SLC4A10: variants seen among roughly 807,000 people sequenced by gnomAD.
SLC4A10 encodes solute carrier family 4 member 10.
A neutral mutation model predicts 137.7 loss-of-function variants in SLC4A10; 42 were observed. The observed-to-expected ratio is 0.30, with a 90% CI of 0.24 to 0.39. The LOEUF (loss-of-function observed/expected upper bound fraction) is 0.39, where lower values mean the gene tolerates loss of function less well. Ranked by LOEUF, SLC4A10 falls within the 10% of genes least tolerant of loss-of-function variation. The pLI is 1.00. For missense variants in SLC4A10, 925 were observed against 1,355.0 expected (o/e 0.68, Z 4.98); for synonymous variants, 474 against 464.1 (o/e 1.02, Z -0.27).
intron 1 of SLC4A10, among the ~76,000 whole-genome samples, chr2:161,722,637 C>T (rs2045805897): frequency 1.3e-5 from 2 of 152,246 alleles, no homozygotes; most frequent in South Asian, 4.1e-4. Flanking sequence ...GGGGGGTCTC[C>T]CCAAGTCAAG....
intron 4 of SLC4A10, among the ~76,000 whole-genome samples, chr2:161,853,413 A>C (rs940687870): frequency 2.0e-5 from 3 of 152,160 alleles, no homozygotes; most frequent in African/African-American, 7.2e-5. Flanking sequence ...TTGCCAATTA[A>C]ATACTCCAGT....
At chr2:161,770,788 T>C (rs935386916) in intron 1 of SLC4A10, among the ~76,000 whole-genome samples, 185 bp from the exon 2 acceptor site, 1 of 151,954 alleles carries the variant, frequency 6.6e-6, no homozygotes, top group Non-Finnish European at 1.5e-5. Context: ...TCTTCAAATA[T>C]GTGGTCAAAT....
intron 2 of SLC4A10, among the ~76,000 whole-genome samples, chr2:161,794,594 T>C (rs80243756): frequency 6.6e-6 from 1 of 152,088 alleles, no homozygotes. Flanking sequence ...ACTAGCCTTA[T>C]TGAGGTAAAT....
chr2:161,872,439 C>T, intron 7 of SLC4A10, 55 bp downstream of exon 7: 18 of 1,378,562 alleles, frequency 1.3e-5, no homozygotes, highest in Non-Finnish European at 1.9e-5. Context: ...CTAGAAATTA[C>T]TACCCATTTT....
chr2:161,976,616 G>C (rs1342937812), intron 24 of SLC4A10, 144 bp from the exon 25 acceptor site: 2 of 482,166 alleles, frequency 4.1e-6, no homozygotes, highest in Non-Finnish European at 3.7e-6. Context: ...TAAATTTTAT[G>C]TTATGTGTAT....
At chr2:161,918,756 T>C (rs1469804741) in intron 15 of SLC4A10, among the ~76,000 whole-genome samples, 3 of 152,124 alleles carry the variant, frequency 2.0e-5, no homozygotes, top group Non-Finnish European at 4.4e-5. Context: ...GCTGCAAAGA[T>C]GCCAGCTGCA....
chr2:161,653,858 C>G (rs1336779438), intron 1 of SLC4A10, among the ~76,000 whole-genome samples: 1 of 152,190 alleles, frequency 6.6e-6, no homozygotes, highest in African/African-American at 2.4e-5. Context: ...TATGGGAATG[C>G]AGGCATGTAG....
At chr2:161,806,094 A>G (rs2055919228) in intron 3 of SLC4A10, among the ~76,000 whole-genome samples, 1 of 152,184 alleles carries the variant, frequency 6.6e-6, no homozygotes, top group South Asian at 2.1e-4. Context: ...GGAAGCTGCC[A>G]AGGCTTGAGG....
At chr2:161,945,582 C>T (rs1294164771) in intron 16 of SLC4A10, among the ~76,000 whole-genome samples, 3 of 151,176 alleles carry the variant, frequency 2.0e-5, no homozygotes, top group African/African-American at 7.3e-5. Flanking sequence ...TCAGGACTTA[C>T]TCTGTGTGTA....
rs964009761 is a variant in SLC4A10 at position 161,767,180 on chromosome 2, G to A, written c.49-3793G>A. ...GTGTGTGTGTTTTATTTATATATAT[G>A]TGTGTGTGTGTGTGTGTGTGTGTAT... On this transcript the variant is annotated intron_variant, in intron 1 of 26. Transcript: ENST00000446997. 0.017 allele frequency among the ~76,000 whole-genome samples: 32 copies of A among 1,850 alleles called. No homozygotes were observed. The East Asian group carries it at 0.23, about 13-fold the overall frequency. The allele number at this position is 1,850 out of a possible 152,430, so 1.2% of individuals were successfully genotyped here.
intron 6 of SLC4A10, among the ~76,000 whole-genome samples, chr2:161,869,939 A>G (rs1291937391): frequency 6.6e-6 from 1 of 151,476 alleles, no homozygotes. Context: ...AGAATCTAGG[A>G]CTAGCAAGAA....
chr2:161,840,728 G>A (rs1411129341), intron 4 of SLC4A10, among the ~76,000 whole-genome samples: 1 of 152,174 alleles, frequency 6.6e-6, no homozygotes, highest in Non-Finnish European at 1.5e-5. Flanking sequence ...GAAACTGTGG[G>A]CACACCCAGG....
chr2:161,693,453 G>C (rs1051033800), intron 1 of SLC4A10, among the ~76,000 whole-genome samples: 2 of 151,884 alleles, frequency 1.3e-5, no homozygotes, highest in African/African-American at 4.8e-5. Flanking sequence ...GAAACCTGTG[G>C]GCCAACTGTG....
At chr2:161,725,212 T>C (rs930379718) in intron 1 of SLC4A10, among the ~76,000 whole-genome samples, 47 of 152,134 alleles carry the variant, frequency 3.1e-4, no homozygotes, top group African/African-American at 9.4e-4. Context: ...AGATTTTACA[T>C]TTAACTAATA....
At chr2:161,964,731 G>C (rs148126263) in intron 22 of SLC4A10, among the ~76,000 whole-genome samples, 1 of 151,930 alleles carries the variant, frequency 6.6e-6, no homozygotes, top group African/African-American at 2.4e-5. Context: ...GAATGTTCTC[G>C]TGTTCATTTA....
At chr2:161,925,994 G>A (rs1688997082) in intron 15 of SLC4A10, among the ~76,000 whole-genome samples, 1 of 152,000 alleles carries the variant, frequency 6.6e-6, no homozygotes, top group South Asian at 2.1e-4. Context: ...TTTTGGAATA[G>A]GTGTGGTGTG....
chr2:161,773,142 T>C (rs1266739246), intron 2 of SLC4A10, among the ~76,000 whole-genome samples: 5 of 151,836 alleles, frequency 3.3e-5, no homozygotes, highest in Admixed American at 6.6e-5. Context: ...AAGTCCACGA[T>C]TGGGAGGTCC....
chr2:161,728,750 A>G (rs1559122566), intron 1 of SLC4A10, among the ~76,000 whole-genome samples: 1 of 152,214 alleles, frequency 6.6e-6, no homozygotes, highest in Non-Finnish European at 1.5e-5. Flanking sequence ...CACAAAGGCA[A>G]TACAAGAAAA....
chr2:161,763,994 C>T (rs2050535366), intron 1 of SLC4A10, among the ~76,000 whole-genome samples: 1 of 152,092 alleles, frequency 6.6e-6, no homozygotes, highest in African/African-American at 2.4e-5. Context: ...ACATGGCAAT[C>T]CCACTTCTAG....
Sources: gnomAD v4.1 joint callset for allele counts (sites outside exome capture counted in the v4.1 genomes callset) on GRCh38, gnomAD v4.1.1 for gene constraint, MANE v1.5 for transcripts, NCBI Gene and HGNC (gene_info 2026-07-23, HGNC 2026-07-21) for gene names.